TTC39C: variants seen among roughly 807,000 people sequenced by gnomAD.
TTC39C encodes tetratricopeptide repeat domain 39C, also known as tetratricopeptide repeat protein 39C.
TTC39C carries 33 observed loss-of-function variants against 76.3 expected under a neutral mutation model. The ratio of observed to expected loss-of-function variants is 0.43; its 90% CI spans 0.33 to 0.58. The LOEUF (loss-of-function observed/expected upper bound fraction) is 0.58, where lower values mean the gene tolerates loss of function less well. TTC39C is among the 20% of genes least tolerant of loss of function. The pLI is 0.04. For missense variants in TTC39C, 595 were observed against 701.4 expected (o/e 0.85, Z 1.71); for synonymous variants, 254 against 260.6 (o/e 0.97, Z 0.24).
intron 6 of TTC39C, among the ~76,000 whole-genome samples, chr18:24,103,635 A>G (rs1319496738): frequency 6.6e-5 from 10 of 152,116 alleles, no homozygotes; most frequent in Non-Finnish European, 1.5e-5. Context: ...TTGGAGAGTC[A>G]CTTTCTTATA....
At chr18:24,127,840 A>C (rs1204970636) in intron 10 of TTC39C, among the ~76,000 whole-genome samples, 3 of 152,210 alleles carry the variant, frequency 2.0e-5, no homozygotes, top group African/African-American at 7.2e-5. Context: ...TTTGTTTTCT[A>C]GGTGCTGCAG....
intron 6 of TTC39C, 126 bp from the exon 7 acceptor site, chr18:24,114,428 C>A: frequency 1.5e-6 from 1 of 679,856 alleles, no homozygotes; most frequent in Non-Finnish European, 2.5e-6. Context: ...ATCTTTAAAC[C>A]ACTGTCTTCT....
At chr18:24,061,177 A>T (rs2084093829) in intron 1 of TTC39C, among the ~76,000 whole-genome samples, 1 of 151,512 alleles carries the variant, frequency 6.6e-6, no homozygotes, top group Non-Finnish European at 1.5e-5. Context: ...AAAAAATGTT[A>T]TAGATTATCC....
intron 1 of TTC39C, among the ~76,000 whole-genome samples, chr18:24,001,821 C>CTGTTT (rs2083312591): frequency 3.0e-5 from 1 of 33,560 alleles, no homozygotes; most frequent in South Asian, 1.4e-3. Context: ...TACGGTAATT[C>CTGTTT]TGTTTTTTTT....
At chr18:24,010,145 T>A (rs748271361), upstream of TTC39C, among the ~76,000 whole-genome samples, 2 of 152,234 alleles carry the variant, frequency 1.3e-5, no homozygotes, top group African/African-American at 2.4e-5. Flanking sequence ...CAGAATAGAT[T>A]CAGAGCAACT....
At chr18:24,102,233 G>T (rs1031162946) in intron 6 of TTC39C, among the ~76,000 whole-genome samples, 1 of 152,120 alleles carries the variant, frequency 6.6e-6, no homozygotes, top group Admixed American at 6.5e-5. Flanking sequence ...TGACTGTTGA[G>T]AGACCAAGGA....
chr18:24,053,312 A>G (rs1359589906), intron 1 of TTC39C, among the ~76,000 whole-genome samples: 9 of 152,224 alleles, frequency 5.9e-5, no homozygotes, highest in Non-Finnish European at 1.2e-4. Flanking sequence ...TTCTGCATAT[A>G]GAAGATGCTC....
chr18:24,127,685 TA>T (rs1231489411), intron 10 of TTC39C, among the ~76,000 whole-genome samples: 5 of 151,496 alleles, frequency 3.3e-5, no homozygotes, highest in African/African-American at 1.2e-4. Context: ...ACCCAGCTAT[TA>T]AAAAAAAATT....
chr18:24,075,684 C>CAAAAAAAAAAA (rs371486318), intron 4 of TTC39C, among the ~76,000 whole-genome samples: 5 of 64,240 alleles, frequency 7.8e-5, no homozygotes, highest in Non-Finnish European at 1.5e-4. Context: ...GACCTTGTCT[C>CAAAAAAAAAAA]AAAAAAAAAA....
At chr18:24,052,369 A>G (rs2083961310) in intron 1 of TTC39C, among the ~76,000 whole-genome samples, 1 of 152,142 alleles carries the variant, frequency 6.6e-6, no homozygotes, top group South Asian at 2.1e-4. Flanking sequence ...CCGGCTGTGT[A>G]CTTGGTGTTC....
At chr18:24,105,233 T>TA (rs1188982453) in intron 6 of TTC39C, among the ~76,000 whole-genome samples, 1 of 152,006 alleles carries the variant, frequency 6.6e-6, no homozygotes, top group Non-Finnish European at 1.5e-5. Context: ...ACATGGCCAA[T>TA]AACATGTGAA....
At chr18:24,055,736 A>C (rs1327085247) in intron 1 of TTC39C, among the ~76,000 whole-genome samples, 1 of 152,056 alleles carries the variant, frequency 6.6e-6, no homozygotes, top group Non-Finnish European at 1.5e-5. Flanking sequence ...AGAAGTTTTA[A>C]ATTTTGATGT....
At chr18:24,112,679 C>T (rs549615062) in intron 6 of TTC39C, among the ~76,000 whole-genome samples, 2 of 152,206 alleles carry the variant, frequency 1.3e-5, no homozygotes, top group South Asian at 4.2e-4. Flanking sequence ...CTGTCATGTA[C>T]CATGGGGGAC....
intron 1 of TTC39C, among the ~76,000 whole-genome samples, chr18:24,035,214 T>G (rs2083717672): frequency 6.6e-6 from 1 of 152,042 alleles, no homozygotes; most frequent in Non-Finnish European, 1.5e-5. Flanking sequence ...CTAATTTTAG[T>G]TTTTGTAGAG....
intron 1 of TTC39C, among the ~76,000 whole-genome samples, chr18:24,033,183 G>A (rs189244079): frequency 1.6e-4 from 24 of 152,326 alleles, no homozygotes; most frequent in African/African-American, 4.8e-4. Context: ...AAACTGGGGG[G>A]CGGCGGTTGC....
chr18:24,023,987 T>TACAC (rs1249729701), intron 1 of TTC39C, among the ~76,000 whole-genome samples: 1 of 4,832 alleles, frequency 2.1e-4, no homozygotes, highest in Non-Finnish European at 5.9e-4. Context: ...TATACATATA[T>TACAC]ATATATATAT....
intron 1 of TTC39C, among the ~76,000 whole-genome samples, chr18:24,029,732 A>T (rs944109773): frequency 3.9e-5 from 6 of 151,996 alleles, no homozygotes; most frequent in Admixed American, 3.3e-4. Context: ...TAGCTCCCCC[A>T]CATAAATGAG....
chr18:24,110,865 C>A (rs56323231), intron 6 of TTC39C, among the ~76,000 whole-genome samples: 13,586 of 152,262 alleles, frequency 0.089, 859 homozygotes, highest in Middle Eastern at 0.27. Flanking sequence ...AGTGAAGAAA[C>A]TGAGGCTTGG....
upstream of TTC39C, chr18:24,012,777 GC>G (rs2083403045): frequency 6.6e-6 from 1 of 151,864 alleles, no homozygotes; most frequent in Non-Finnish European, 1.5e-5. Context: ...AGCCCTCCAT[GC>G]CAATGGCCTC....
Sources: gnomAD v4.1 joint callset for allele counts (sites outside exome capture counted in the v4.1 genomes callset) on GRCh38, gnomAD v4.1.1 for gene constraint, MANE v1.5 for transcripts, NCBI Gene and HGNC (gene_info 2026-07-23, HGNC 2026-07-21) for gene names.